EVI5L: variants seen among roughly 807,000 people sequenced by gnomAD.
EVI5L encodes the protein EVI5-like protein.
Under a neutral mutation model 106.1 loss-of-function variants are expected in EVI5L, and 30 were observed. That is an observed-to-expected ratio of 0.28 (90% CI 0.21 to 0.38). The LOEUF is 0.38. Ranked by LOEUF, EVI5L falls within the 10% of genes least tolerant of loss-of-function variation. The pLI is 1.00. For synonymous variants in EVI5L, 489 were observed against 483.3 expected, an observed-to-expected ratio of 1.01 and a Z score of -0.15; for missense variants, 809 against 1,098.0, an observed-to-expected ratio of 0.74 and a Z score of 3.72.
At chr19:7,852,196 C>T (rs958642322) in intron 8 of EVI5L, among the ~76,000 whole-genome samples, 9 of 152,230 alleles carry the variant, frequency 5.9e-5, no homozygotes, top group South Asian at 2.1e-4. Flanking sequence ...CGCCCCAGCC[C>T]GGCCTGCCTG....
intron 17 of EVI5L, 75 bp from the exon 18 acceptor site, chr19:7,862,897 C>T (rs987745204): frequency 8.9e-7 from 1 of 1,119,848 alleles, no homozygotes; most frequent in Non-Finnish European, 1.3e-6. Context: ...TCATTCGCCC[C>T]TGCCCGCGGT....
Position 7,846,613 on chromosome 19 carries a change from C to A in EVI5L, c.71C>A (p.Thr24Asn). 6.2e-7 allele frequency: 1 copy of A among 1,613,862 alleles called. No individual in the cohort carries two copies. Among genetic ancestry groups the A allele is most frequent in the Non-Finnish European group, 8.5e-7 (1 of 1,179,976 alleles). Residue 24 changes from threonine (T) to asparagine (N), a missense_variant, in exon 2 of 20, where the codon ACC (threonine) becomes AAC (asparagine). Thr to Asn is a moderately conservative substitution (Grantham distance 65, BLOSUM62 0). Transcript: ENST00000538904. ...EALSAPTCSP[T>N]SDSENLSPDE... ...CTGTCGGCCCCCACCTGCTCCCCAA[C>A]CTCTGACTCCGAGAACCTCAGCCCC... is the stretch of plus-strand genomic sequence containing the variant.
At chr19:7,831,026 A>T (rs116248392) in intron 1 of EVI5L, among the ~76,000 whole-genome samples, 1,553 of 141,764 alleles carry the variant, frequency 0.011, 25 homozygotes, top group African/African-American at 0.04. Context: ...CTCCCACCCC[A>T]GCTGCCACAT....
chr19:7,862,599 C>T, intron 17 of EVI5L, 65 bp downstream of exon 17: 1 of 1,304,302 alleles, frequency 7.7e-7, no homozygotes, highest in Non-Finnish European at 9.9e-7. Context: ...TACATGAGGC[C>T]CCGCCCCCAA....
chr19:7,845,583 C>G lies in EVI5L; in HGVS notation c.-47-913C>G, dbSNP rs1015445031. Among the ~76,000 whole-genome samples, 2 of 152,210 alleles carry G rather than the reference C, an allele frequency of 1.3e-5. No individual in the cohort carries two copies. Among genetic ancestry groups the G allele is most frequent in the Admixed American group, 6.5e-5 (1 of 15,276 alleles). ...CCTGTATGATCTCAGTGTACGGAGG[C>G]TCAGAGACACCAAGTGACTGGCCCA... On this transcript the variant is annotated intron_variant, in intron 1 of 19. Transcript: ENST00000538904. This position sits in a 1 kb window ranked among gnomAD's most constrained non-coding sequence, Gnocchi z 4.0.
intron 1 of EVI5L, among the ~76,000 whole-genome samples, chr19:7,842,469 AGT>A (rs1491306080): frequency 2.7e-5 from 4 of 148,342 alleles, no homozygotes; most frequent in East Asian, 2.0e-4. Context: ...GTGTGTATCA[AGT>A]GTGTGCATGT....
At chr19:7,847,958 G>C in intron 3 of EVI5L, 37 bp downstream of exon 3, 1 of 1,514,608 alleles carries the variant, frequency 6.6e-7, no homozygotes, top group African/African-American at 1.4e-5. Context: ...TGGGCCGACG[G>C]CGTGGGCAGG....
intron 13 of EVI5L, 64 bp from the exon 14 acceptor site, chr19:7,860,497 G>A (rs118176823): frequency 0.073 from 104,788 of 1,444,984 alleles, 4,350 homozygotes; most frequent in Non-Finnish European, 0.084. Context: ...AAGCCAGCAG[G>A]CATGGAGGCT....
chr19:7,859,377 G>A (rs1372577447), intron 13 of EVI5L, among the ~76,000 whole-genome samples: 1 of 152,192 alleles, frequency 6.6e-6, no homozygotes, highest in Non-Finnish European at 1.5e-5. Context: ...CTGGCAGTGG[G>A]GTGTAGGTTG....
chr19:7,847,607 A>G (rs1298716858), intron 2 of EVI5L, 125 bp from the exon 3 acceptor site: 10 of 883,702 alleles, frequency 1.1e-5, no homozygotes, highest in South Asian at 1.8e-5. Flanking sequence ...AAAAAAAAAG[A>G]ACAAGAGGGA....
intron 14 of EVI5L, among the ~76,000 whole-genome samples, chr19:7,861,096 G>A (rs1394717104): frequency 6.6e-6 from 1 of 152,132 alleles, no homozygotes; most frequent in African/African-American, 2.4e-5. Context: ...ACTGCTCTCT[G>A]ACTTGGCATC....
intron 2 of EVI5L, among the ~76,000 whole-genome samples, chr19:7,847,301 G>C (rs1384987378): frequency 1.3e-5 from 2 of 151,782 alleles, no homozygotes; most frequent in Non-Finnish European, 2.9e-5. Context: ...TCAAAAAAAA[G>C]GGGGCGCTGA....
At chr19:7,862,903 G>A in intron 17 of EVI5L, 69 bp from the exon 18 acceptor site, 1 of 1,051,834 alleles carries the variant, frequency 9.5e-7, no homozygotes, top group Non-Finnish European at 1.3e-6. Context: ...GCCCCTGCCC[G>A]CGGTCCCGCC....
chr19:7,833,549 G>C (rs1336409234), intron 1 of EVI5L, among the ~76,000 whole-genome samples: 1 of 152,256 alleles, frequency 6.6e-6, no homozygotes, highest in African/African-American at 2.4e-5. Flanking sequence ...TGTTGGGGAA[G>C]GCACAGCAGG....
rs1345555231 is a variant in EVI5L at position 7,850,695 on chromosome 19, T to A, written c.753+573T>A. Among the ~76,000 whole-genome samples, 1 of 152,024 alleles carries A rather than the reference T, an allele frequency of 6.6e-6. No homozygotes were observed. Among genetic ancestry groups the A allele is most frequent in the African/African-American group, 2.4e-5 (1 of 41,402 alleles). On this transcript the variant is annotated intron_variant, in intron 6 of 19. Transcript: ENST00000538904. The surrounding 1 kb of genome is among the most constrained non-coding windows in gnomAD (Gnocchi z 5.4). ...TCATCCCTGGATGTGACAGCCCCAC[T>A]CCCTGGGCCTGGATCATGGACGGTG...
At chr19:7,853,647 G>A in intron 10 of EVI5L, 1 of 408,420 alleles carries the variant, frequency 2.4e-6, no homozygotes, top group Non-Finnish European at 4.5e-6. Flanking sequence ...GGACAAGGAT[G>A]TGCACGCGGT....
At position 7,856,896 on chromosome 19, in the gene EVI5L, C is replaced by T. The variant is rs971130636; in HGVS notation, c.1201-196C>T. ...GCTCACACCGAACCCCTCTCCAGGA[C>T]GGAGCTGGCTCTAGCTTTGGTCTTC... On this transcript the variant is annotated intron_variant, in intron 11 of 19. Transcript: ENST00000538904. The surrounding 1 kb of genome is among the most constrained non-coding windows in gnomAD (Gnocchi z 6.6). 36 of 713,908 alleles carry T rather than the reference C, an allele frequency of 5.0e-5. No homozygotes were observed. The highest frequency in any genetic ancestry group is 2.3e-4 in the Middle Eastern group (1 of 4,390). 44.2% of individuals were successfully genotyped at this position (713,908 alleles called of 1,614,324 possible). A position where few individuals can be genotyped will look rare whatever the true frequency, so the allele number is the denominator to read the frequency against.
At chr19:7,833,757 G>T (rs1375513181) in intron 1 of EVI5L, among the ~76,000 whole-genome samples, 4 of 152,204 alleles carry the variant, frequency 2.6e-5, no homozygotes, top group Admixed American at 1.3e-4. Context: ...CACACATGGT[G>T]GGGGGCTCCC....
At chr19:7,832,846 T>TGCTGAGGCCCCACATAGATC (rs1978299571) in intron 1 of EVI5L, among the ~76,000 whole-genome samples, 2 of 152,212 alleles carry the variant, frequency 1.3e-5, no homozygotes, top group African/African-American at 4.8e-5. Flanking sequence ...CGGATAGCCA[T>TGCTGAGGCCCCACATAGATC]GCTGAGGCCC....
Sources: allele counts gnomAD v4.1 joint callset (sites outside exome capture counted in the v4.1 genomes callset), GRCh38; gene constraint gnomAD v4.1.1; non-coding constraint Gnocchi (gnomAD v3.1); transcripts MANE v1.5; gene names NCBI Gene and HGNC (gene_info 2026-07-23, HGNC 2026-07-21).